PPP3CA: variants seen among roughly 807,000 people sequenced by gnomAD.
PPP3CA encodes the protein CAM-PRP catalytic subunit.
A neutral mutation model predicts 66.5 loss-of-function variants in PPP3CA; 14 were observed. The observed-to-expected ratio is 0.21, with a 90% CI of 0.14 to 0.33. PPP3CA has a LOEUF of 0.33. PPP3CA is among the 10% of genes least tolerant of loss of function. PPP3CA has a pLI of 1.00. For missense variants in PPP3CA, 317 were observed against 639.5 expected (o/e 0.50, Z 5.44); for synonymous variants, 232 against 226.2 (o/e 1.03, Z -0.23).
intron 8 of PPP3CA, among the ~76,000 whole-genome samples, chr4:101,074,543 GCTC>G: frequency 6.6e-6 from 1 of 152,148 alleles, no homozygotes; most frequent in Admixed American, 6.5e-5. Context: ...TGTTACATCT[GCTC>G]CTTTCTGTTC....
intron 1 of PPP3CA, among the ~76,000 whole-genome samples, chr4:101,330,037 A>G (rs1729331287): frequency 6.6e-6 from 1 of 152,154 alleles, no homozygotes; most frequent in Non-Finnish European, 1.5e-5. Flanking sequence ...TGCCATACAT[A>G]GTGATTCCTC....
intron 1 of PPP3CA, among the ~76,000 whole-genome samples, chr4:101,196,988 T>C (rs1176667973): frequency 1.3e-5 from 2 of 152,206 alleles, no homozygotes. Flanking sequence ...CCACAAAGGT[T>C]AAATTTGCAA....
At chr4:101,034,979 A>G (rs185816415) in intron 11 of PPP3CA, among the ~76,000 whole-genome samples, 22 of 152,224 alleles carry the variant, frequency 1.4e-4, no homozygotes, top group African/African-American at 3.1e-4. Flanking sequence ...TAAATATGGG[A>G]TTCAGGCTGG....
At chr4:101,293,899 C>T (rs1728111069) in intron 1 of PPP3CA, among the ~76,000 whole-genome samples, 1 of 151,996 alleles carries the variant, frequency 6.6e-6, no homozygotes, top group African/African-American at 2.4e-5. Context: ...AGGGCAGAGA[C>T]AATATCCGTA....
intron 1 of PPP3CA, among the ~76,000 whole-genome samples, chr4:101,232,055 C>T (rs1441638236): frequency 6.6e-6 from 1 of 151,574 alleles, no homozygotes; most frequent in Non-Finnish European, 1.5e-5. Context: ...TCAAATTGAC[C>T]TCTGTCATCA....
intron 1 of PPP3CA, among the ~76,000 whole-genome samples, chr4:101,235,606 C>T (rs1401818123): frequency 1.3e-5 from 2 of 151,724 alleles, no homozygotes; most frequent in Admixed American, 1.3e-4. Flanking sequence ...TCTCTATAAC[C>T]GTAAAAACTA....
At chr4:101,157,359 C>T (rs906853442) in intron 2 of PPP3CA, among the ~76,000 whole-genome samples, 2 of 152,128 alleles carry the variant, frequency 1.3e-5, no homozygotes, top group African/African-American at 4.8e-5. Context: ...TATACTTTCA[C>T]CTTCCAGGCA....
chr4:101,208,493 A>G (rs1403657051), intron 1 of PPP3CA, among the ~76,000 whole-genome samples: 2 of 152,204 alleles, frequency 1.3e-5, no homozygotes, highest in Non-Finnish European at 2.9e-5. Flanking sequence ...CTGGCATGGC[A>G]TATTTCAGTG....
At chr4:101,221,360 A>T (rs1725618829) in intron 1 of PPP3CA, among the ~76,000 whole-genome samples, 1 of 151,642 alleles carries the variant, frequency 6.6e-6, no homozygotes, top group Non-Finnish European at 1.5e-5. Flanking sequence ...ATTGCTTAGT[A>T]AAATGATATT....
At chr4:101,137,703 T>G (rs1254597702) in intron 2 of PPP3CA, among the ~76,000 whole-genome samples, 1 of 151,754 alleles carries the variant, frequency 6.6e-6, no homozygotes, top group African/African-American at 2.4e-5. Flanking sequence ...GATTTTATTC[T>G]TTTCACAGGA....
intron 10 of PPP3CA, among the ~76,000 whole-genome samples, chr4:101,044,271 T>C (rs1012829061): frequency 6.6e-6 from 1 of 152,310 alleles, no homozygotes; most frequent in African/African-American, 2.4e-5. Flanking sequence ...CAAAAACTTA[T>C]TTCATTCCAA....
At chr4:101,334,076 T>C (rs559628342) in intron 1 of PPP3CA, among the ~76,000 whole-genome samples, 59 of 152,122 alleles carry the variant, frequency 3.9e-4, no homozygotes, top group African/African-American at 1.3e-3. Flanking sequence ...CCAAATAATC[T>C]ACTTACCGAG....
intron 1 of PPP3CA, among the ~76,000 whole-genome samples, chr4:101,233,283 G>A (rs1726022967): frequency 6.6e-6 from 1 of 151,736 alleles, no homozygotes; most frequent in Non-Finnish European, 1.5e-5. Flanking sequence ...TGGGACTAAG[G>A]AGAAAGTTTC....
chr4:101,325,564 C>T (rs73835934), intron 1 of PPP3CA, among the ~76,000 whole-genome samples: 16,172 of 152,166 alleles, frequency 0.11, 2,920 homozygotes, highest in African/African-American at 0.37. Context: ...AGTTAATATG[C>T]ATAAAATATG....
At chr4:101,346,018 TC>T (rs956568021) in intron 1 of PPP3CA, among the ~76,000 whole-genome samples, 1 of 151,862 alleles carries the variant, frequency 6.6e-6, no homozygotes, top group Non-Finnish European at 1.5e-5. Flanking sequence ...GCGGGGGAAA[TC>T]CCGGGGCGGC....
At chr4:101,251,168 T>C (rs1726665500) in intron 1 of PPP3CA, among the ~76,000 whole-genome samples, 1 of 151,966 alleles carries the variant, frequency 6.6e-6, no homozygotes, top group South Asian at 2.1e-4. Flanking sequence ...TAAAATTATA[T>C]CATATGAAGA....
chr4:101,235,422 A>AACACACAC (rs1395127883), intron 1 of PPP3CA, among the ~76,000 whole-genome samples: 1 of 82,922 alleles, frequency 1.2e-5, no homozygotes, highest in Non-Finnish European at 2.6e-5. Context: ...TCAGAACCTA[A>AACACACAC]ACATACACTC....
chr4:101,193,605 A>G (rs925181542), intron 2 of PPP3CA, among the ~76,000 whole-genome samples: 1 of 151,968 alleles, frequency 6.6e-6, no homozygotes, highest in Non-Finnish European at 1.5e-5. Context: ...GCAAGTCCAC[A>G]CTCCTTTACT....
intron 1 of PPP3CA, among the ~76,000 whole-genome samples, chr4:101,286,316 T>C (rs116361059): frequency 0.015 from 2,316 of 152,298 alleles, 27 homozygotes; most frequent in Non-Finnish European, 0.023. Flanking sequence ...GAAAATATGC[T>C]AAAGCAAATA....
Sources: gnomAD v4.1 joint callset for allele counts (sites outside exome capture counted in the v4.1 genomes callset) on GRCh38, gnomAD v4.1.1 for gene constraint, MANE v1.5 for transcripts, NCBI Gene and HGNC (gene_info 2026-07-23, HGNC 2026-07-21) for gene names.